Variants in CWF19L2 observed in about 807,000 individuals in gnomAD.
CWF19L2 encodes CWF19 like cell cycle control factor 2.
CWF19L2 carries 98 observed loss-of-function variants against 111.7 expected under a neutral mutation model. The observed-to-expected ratio is 0.88, with a 90% confidence interval of 0.75 to 1.04. CWF19L2 has a LOEUF of 1.04. Among genes scored for constraint, CWF19L2 ranks in the 50% least tolerant of loss-of-function variants. The pLI is 0.00. For synonymous variants in CWF19L2, 351 were observed against 342.9 expected (o/e 1.02, Z -0.26); for missense variants, 1,101 against 1,051.4 (o/e 1.05, Z -0.65).
intron 7 of CWF19L2, among the ~76,000 whole-genome samples, chr11:107,430,075 G>A (rs967434997): frequency 6.6e-6 from 1 of 151,868 alleles, no homozygotes; most frequent in Non-Finnish European, 1.5e-5. Flanking sequence ...GATGGGAATA[G>A]AGCATTAATT....
chr11:107,415,136 T>C (rs1292214629), intron 10 of CWF19L2, among the ~76,000 whole-genome samples: 1 of 152,182 alleles, frequency 6.6e-6, no homozygotes, highest in Non-Finnish European at 1.5e-5. Flanking sequence ...CCCTCTCTCA[T>C]TTATTCCACT....
In CWF19L2 at chr11:107,427,618, C is replaced by T. The variant is rs113975633; in HGVS notation, c.1433+1181G>A. Among the ~76,000 whole-genome samples, 56 of 152,182 alleles carry T rather than the reference C, an allele frequency of 3.7e-4. 2 individuals are homozygous for T. The highest frequency in any genetic ancestry group is 1.3e-3 in the African/African-American group (54 of 41,534). On this transcript the variant is annotated intron_variant, in intron 8 of 17. Transcript: ENST00000282251. ...GCCTACAGATCATCCAAATGCTAAC[C>T]CAATCCTAATGATATCAGGAAATAA... is the stretch of plus-strand genomic sequence containing the variant.
intron 12 of CWF19L2, among the ~76,000 whole-genome samples, chr11:107,378,870 T>C (rs1479189425): frequency 6.6e-6 from 1 of 151,992 alleles, no homozygotes; most frequent in African/African-American, 2.4e-5. Context: ...ATAGCATCGA[T>C]AGTGTGATGG....
chr11:107,326,908 C>T lies in CWF19L2; in HGVS notation c.*2G>A, dbSNP rs1185425761. 2 of 1,592,578 alleles carry T rather than the reference C, an allele frequency of 1.3e-6. No homozygotes were observed. The highest frequency in any genetic ancestry group is 1.2e-5 in the South Asian group (1 of 86,824). ...GAAAAATTTTAAAATGGAAGGTACA[C>T]CTCAATAGTTTTTACTTTTGGTGAA... is the stretch of plus-strand genomic sequence containing the variant. On this transcript the variant is annotated 3_prime_UTR_variant, in exon 18 of 18. Transcript: ENST00000282251.
chr11:107,331,381 G>A (rs1859847737), intron 16 of CWF19L2, among the ~76,000 whole-genome samples: 1 of 152,152 alleles, frequency 6.6e-6, no homozygotes, highest in Non-Finnish European at 1.5e-5. Flanking sequence ...TTGAAATGAG[G>A]GGATTTTCCT....
At chr11:107,351,222 G>A (rs1415235904) in intron 13 of CWF19L2, among the ~76,000 whole-genome samples, 1 of 152,108 alleles carries the variant, frequency 6.6e-6, no homozygotes, top group African/African-American at 2.4e-5. Flanking sequence ...TATGAAATGT[G>A]GTCAGAACAT....
intron 10 of CWF19L2, among the ~76,000 whole-genome samples, chr11:107,394,450 T>C (rs972811142): frequency 6.6e-6 from 1 of 152,110 alleles, no homozygotes; most frequent in Non-Finnish European, 1.5e-5. Flanking sequence ...AATACATAAT[T>C]ATTAAATTGT....
intron 10 of CWF19L2, among the ~76,000 whole-genome samples, chr11:107,395,494 T>C (rs1377818620): frequency 6.6e-6 from 1 of 152,228 alleles, no homozygotes; most frequent in Non-Finnish European, 1.5e-5. Context: ...TCTATGATTA[T>C]TTTTTATTGT....
intron 12 of CWF19L2, among the ~76,000 whole-genome samples, chr11:107,379,717 G>A (rs543572076): frequency 6.6e-6 from 1 of 152,208 alleles, no homozygotes; most frequent in African/African-American, 2.4e-5. Flanking sequence ...TTTGATGTCT[G>A]CATAAAGAAA....
At chr11:107,387,192 C>T (rs1860780245) in intron 12 of CWF19L2, among the ~76,000 whole-genome samples, 1 of 152,044 alleles carries the variant, frequency 6.6e-6, no homozygotes, top group African/African-American at 2.4e-5. Flanking sequence ...TCTTGATTTC[C>T]CACTCCCCCA....
At chr11:107,407,650 T>A (rs1366244969) in intron 10 of CWF19L2, among the ~76,000 whole-genome samples, 6 of 152,042 alleles carry the variant, frequency 3.9e-5, no homozygotes, top group African/African-American at 1.4e-4. Context: ...GCTGGGTCCC[T>A]CTCTAAGGAA....
chr11:107,330,750 G>C (rs1471381668), intron 16 of CWF19L2, among the ~76,000 whole-genome samples: 1 of 150,786 alleles, frequency 6.6e-6, no homozygotes, highest in African/African-American at 2.4e-5. Flanking sequence ...CAATTAAGTA[G>C]ATTTTGTGTC....
At chr11:107,400,461 C>G (rs1274804440) in intron 10 of CWF19L2, among the ~76,000 whole-genome samples, 1 of 152,128 alleles carries the variant, frequency 6.6e-6, no homozygotes, top group East Asian at 1.9e-4. Context: ...ACTAGAAAAC[C>G]TAGAAGAGAT....
chr11:107,397,175 CAAGG>C (rs1860936013), intron 10 of CWF19L2, among the ~76,000 whole-genome samples: 1 of 152,138 alleles, frequency 6.6e-6, no homozygotes, highest in Admixed American at 6.5e-5. Flanking sequence ...GGCCAGAACT[CAAGG>C]GAGGGCACAA....
chr11:107,350,461 C>T (rs1304558795), intron 13 of CWF19L2, among the ~76,000 whole-genome samples: 2 of 151,984 alleles, frequency 1.3e-5, no homozygotes, highest in African/African-American at 4.8e-5. Flanking sequence ...AAAAGAAGCC[C>T]CAGGGAATGT....
intron 12 of CWF19L2, among the ~76,000 whole-genome samples, chr11:107,386,459 C>CT (rs1372187164): frequency 3.9e-5 from 6 of 152,176 alleles, no homozygotes; most frequent in Non-Finnish European, 8.8e-5. Flanking sequence ...CATAATCATG[C>CT]TTTTTTCCTT....
intron 12 of CWF19L2, among the ~76,000 whole-genome samples, chr11:107,375,824 A>C (rs1292326276): frequency 1.5e-5 from 1 of 67,288 alleles, no homozygotes; most frequent in Non-Finnish European, 2.9e-5. Flanking sequence ...AAAATTAATG[A>C]ATCCAGGAGC....
chr11:107,446,015 G>A (rs1565288867), intron 3 of CWF19L2, among the ~76,000 whole-genome samples: 2 of 152,186 alleles, frequency 1.3e-5, no homozygotes, highest in Non-Finnish European at 2.9e-5. Flanking sequence ...ATGCTGTAAG[G>A]ATGATGGAAA....
In CWF19L2 at chr11:107,326,795, A is replaced by C; in HGVS notation, c.*115T>G. 2 of 775,406 alleles carry C rather than the reference A, an allele frequency of 2.6e-6. 1 individual carries two copies. The highest frequency in any genetic ancestry group is 4.1e-5 in the South Asian group (2 of 48,456). The allele number at this position is 775,406 out of a possible 1,614,324, so 48.0% of individuals were successfully genotyped here. On this transcript the variant is annotated 3_prime_UTR_variant, in exon 18 of 18. Coordinates refer to ENST00000282251, the MANE Select transcript of CWF19L2 (RefSeq NM_152434.3). ...TGTACAGTTGTCACTGACCCAGAGC[A>C]GTCTGCTGCTGTGACTCTCTCTGCC...
Sources: gnomAD v4.1 joint callset for allele counts (sites outside exome capture counted in the v4.1 genomes callset) on GRCh38, gnomAD v4.1.1 for gene constraint, MANE v1.5 for transcripts, NCBI Gene and HGNC (gene_info 2026-07-23, HGNC 2026-07-21) for gene names.